The following TSG101 variants were observed in gnomAD, a reference collection of about 807,000 sequenced individuals.
TSG101 encodes tumor susceptibility gene 101 protein.
TSG101 carries 19 observed loss-of-function variants against 48.5 expected under a neutral mutation model. The observed-to-expected ratio is 0.39, with a 90% confidence interval of 0.27 to 0.58. The LOEUF (loss-of-function observed/expected upper bound fraction) is 0.58. Among genes scored for constraint, TSG101 ranks in the 20% least tolerant of loss-of-function variants. The pLI is 0.55. For synonymous variants in TSG101, 174 were observed against 169.4 expected (o/e 1.03, Z -0.21); for missense variants, 365 against 484.4 (o/e 0.75, Z 2.31).
At chr11:18,501,612 T>C (rs888695142) in intron 7 of TSG101, among the ~76,000 whole-genome samples, 1 of 152,360 alleles carries the variant, frequency 6.6e-6, no homozygotes, top group South Asian at 2.1e-4. Context: ...TTTGGTTCCA[T>C]ATACATTTTA....
rs773474656 is a variant in TSG101, at chr11:18,514,867, T to C, written c.194-26A>G. On this transcript the variant is annotated intron_variant, in intron 3 of 9. Coordinates refer to ENST00000251968, the MANE Select transcript of TSG101 (RefSeq NM_006292.4). Reference sequence around the variant, plus strand: ...CTGAAAAAGAAATAGAAACTTCAGTTACTCTATTTTTATTATTTTTAAATT... The same window carrying C: ...CTGAAAAAGAAATAGAAACTTCAGTCACTCTATTTTTATTATTTTTAAATT... The C allele has an allele frequency of 7.3e-6, 11 of 1,514,506 alleles. No homozygotes were observed. The South Asian group carries it at 1.5e-4, about 20-fold the overall frequency. 93.8% of individuals were successfully genotyped at this position (1,514,506 alleles called of 1,614,324 possible).
At chr11:18,516,002 C>A in intron 3 of TSG101, 97 bp downstream of exon 3, 2 of 1,037,716 alleles carry the variant, frequency 1.9e-6, no homozygotes, top group Non-Finnish European at 2.8e-6. Flanking sequence ...GCATCAAAGC[C>A]CTGAGAAAGT....
intron 7 of TSG101, among the ~76,000 whole-genome samples, chr11:18,487,180 T>C (rs1849631107): frequency 6.6e-6 from 1 of 150,630 alleles, no homozygotes; most frequent in African/African-American, 2.5e-5. Flanking sequence ...AGTTAGTAGG[T>C]GCAGCACAAC....
chr11:18,501,338 T>C (rs989382821), intron 7 of TSG101, among the ~76,000 whole-genome samples: 1 of 152,032 alleles, frequency 6.6e-6, no homozygotes, highest in Non-Finnish European at 1.5e-5. Context: ...TGCATATGGA[T>C]ACCCAGTTTT....
At chr11:18,504,350 G>A (rs534088689) in intron 6 of TSG101, among the ~76,000 whole-genome samples, 5 of 151,788 alleles carry the variant, frequency 3.3e-5, no homozygotes, top group African/African-American at 1.2e-4. Context: ...CCTCAACTAA[G>A]TTTTATATAT....
intron 8 of TSG101, among the ~76,000 whole-genome samples, chr11:18,482,160 A>AAG (rs1356769485): frequency 1.3e-5 from 2 of 152,240 alleles, no homozygotes; most frequent in African/African-American, 4.8e-5. Flanking sequence ...GCCATCAGAC[A>AAG]AGATACTTTC....
chr11:18,521,669 C>CTTT lies in TSG101; in HGVS notation c.43-2067_43-2066insAAA, dbSNP rs1565096217. On this transcript the variant is annotated intron_variant, in intron 1 of 9. Transcript: ENST00000251968. Reference sequence around the variant, plus strand: ...TATGAACCACTGCACCTGGCCCCTTCCTTTTTTTTTTTTTTTTTTTTTTTT... The same window carrying CTTT: ...TATGAACCACTGCACCTGGCCCCTTCTTTCTTTTTTTTTTTTTTTTTTTTTTTT... Among the ~76,000 whole-genome samples the CTTT allele has an allele frequency of 7.2e-5, 8 of 111,440 alleles. 2 individuals are homozygous for CTTT. Among genetic ancestry groups the CTTT allele is most frequent in the African/African-American group, 1.7e-4 (5 of 30,154 alleles). 73.1% of individuals were successfully genotyped at this position (111,440 alleles called of 152,430 possible).
intron 7 of TSG101, among the ~76,000 whole-genome samples, chr11:18,488,526 T>C (rs965710136): frequency 6.6e-6 from 1 of 152,130 alleles, no homozygotes; most frequent in Non-Finnish European, 1.5e-5. Flanking sequence ...CCAGCCTCAA[T>C]ACAGGGAGAA....
chr11:18,506,742 C>G (rs1193570013), intron 6 of TSG101, 115 bp downstream of exon 6: 3 of 748,194 alleles, frequency 4.0e-6, no homozygotes, highest in African/African-American at 1.8e-5. Flanking sequence ...CAAGTTTTAT[C>G]TTCCACTAAA....
chr11:18,506,687 C>T (rs981360371), intron 6 of TSG101, among the ~76,000 whole-genome samples, 170 bp downstream of exon 6: 45 of 150,748 alleles, frequency 3.0e-4, no homozygotes, highest in African/African-American at 1.1e-3. Context: ...AAGACTCCAT[C>T]TCAAAAAAAA....
rs779840627 is a variant in TSG101 at position 18,480,579 on chromosome 11, T to C, written c.1140A>G (p.Ala380=). 2 of 1,614,056 alleles carry C rather than the reference T, an allele frequency of 1.2e-6. No homozygotes were observed. The highest frequency in any genetic ancestry group is 1.7e-6 in the Non-Finnish European group (2 of 1,179,982). ...QFQLRALMQK[A]RKTAGLSDLY is the part of the protein sequence containing the mutation. ...GGTCACTGAGACCGGCAGTCTTTCT[T>C]GCTTTTTGCATTAGTGCCCTCAGCT... Residue 380 remains alanine, a synonymous_variant, in exon 10 of 10, where the codon GCA becomes GCG. Transcript: ENST00000251968.
intron 7 of TSG101, among the ~76,000 whole-genome samples, chr11:18,489,040 G>A (rs1243204337): frequency 4.6e-5 from 7 of 151,880 alleles, no homozygotes; most frequent in South Asian, 4.2e-4. Context: ...GCTGGAACCC[G>A]GGAGGCGGAG....
intron 7 of TSG101, among the ~76,000 whole-genome samples, chr11:18,494,157 G>A (rs1287403423): frequency 2.0e-5 from 3 of 152,140 alleles, no homozygotes; most frequent in Non-Finnish European, 4.4e-5. Context: ...TTGCTAAAAT[G>A]AGACAGCAAA....
chr11:18,504,700 G>A (rs11024691), intron 6 of TSG101, among the ~76,000 whole-genome samples: 29,991 of 152,054 alleles, frequency 0.2, 3,095 homozygotes, highest in East Asian at 0.25. Flanking sequence ...TAAGCCTACA[G>A]ATATTAACTT....
intron 9 of TSG101, 129 bp from the exon 10 acceptor site, chr11:18,480,764 TAC>T (rs1849519961): frequency 1.4e-6 from 1 of 706,042 alleles, no homozygotes; most frequent in South Asian, 1.9e-5. Context: ...TTGGAATGAA[TAC>T]CTCATTATAT....
At chr11:18,519,657 C>A in intron 1 of TSG101, 54 bp from the exon 2 acceptor site, 1 of 1,313,278 alleles carries the variant, frequency 7.6e-7, no homozygotes, top group Non-Finnish European at 1.1e-6. Flanking sequence ...ATATATTTTA[C>A]AGCTGGATGA....
At chr11:18,495,608 C>T (rs781229080) in intron 7 of TSG101, among the ~76,000 whole-genome samples, 1 of 151,416 alleles carries the variant, frequency 6.6e-6, no homozygotes, top group African/African-American at 2.4e-5. Context: ...ATGTTTTGCT[C>T]CTACAGTAAC....
intron 7 of TSG101, among the ~76,000 whole-genome samples, chr11:18,485,741 GTTGGAAACAGTGC>G (rs1849611121): frequency 6.6e-6 from 1 of 152,200 alleles, no homozygotes; most frequent in South Asian, 2.1e-4. Flanking sequence ...AAGGCATGTG[GTTGGAAACAGTGC>G]TGAAAAGTCA....
chr11:18,517,444 A>C (rs1479659941), intron 2 of TSG101, among the ~76,000 whole-genome samples: 1 of 152,228 alleles, frequency 6.6e-6, no homozygotes, highest in Non-Finnish European at 1.5e-5. Flanking sequence ...TTTGGAATTA[A>C]CACTATACCC....
Sources: allele counts gnomAD v4.1 joint callset (sites outside exome capture counted in the v4.1 genomes callset), GRCh38; gene constraint gnomAD v4.1.1; transcripts MANE v1.5; gene names NCBI Gene and HGNC (gene_info 2026-07-23, HGNC 2026-07-21).